Variants in TRIM71 observed in about 807,000 individuals in gnomAD.
The protein encoded by TRIM71 is tripartite motif containing 71.
Under a neutral mutation model 61.2 loss-of-function variants are expected in TRIM71, and 9 were observed. That is an observed-to-expected ratio of 0.15 (90% CI 0.09 to 0.26). TRIM71 has a LOEUF of 0.26. TRIM71 is among the 10% of genes least tolerant of loss of function. The pLI, the probability that TRIM71 is intolerant of heterozygous loss-of-function variation, is 1.00. For missense variants in TRIM71, 998 were observed against 1,238.7 expected (o/e 0.81, Z 2.92); for synonymous variants, 645 against 553.2 (o/e 1.17, Z -2.33).
chr3:32,873,618 G>A (rs1696821419), intron 1 of TRIM71, among the ~76,000 whole-genome samples, 200 bp from the exon 2 acceptor site: 1 of 152,158 alleles, frequency 6.6e-6, no homozygotes, highest in African/African-American at 2.4e-5. Context: ...ATTTGGGGCA[G>A]AGAGAGTGGG....
rs1697031697 is a variant in TRIM71, at chr3:32,891,941, T to C, written c.*130T>C. ...TCAGGGAAATTTCTTTTTTCTTTTT[T>C]TTTTTTAAAGAGAACAAGAAAAGTA... On this transcript the variant is annotated 3_prime_UTR_variant, in exon 4 of 4. Transcript: ENST00000383763. This position sits in a 1 kb window ranked among gnomAD's most constrained non-coding sequence, Gnocchi z 8.2. 1.5e-6 allele frequency: 2 copies of C among 1,358,534 alleles called. No homozygotes were observed. Among genetic ancestry groups the C allele is most frequent in the African/African-American group, 1.5e-5 (1 of 67,694 alleles). 84.2% of individuals were successfully genotyped at this position (1,358,534 alleles called of 1,614,324 possible). A position where few individuals can be genotyped will look rare whatever the true frequency, so the allele number is the denominator to read the frequency against.
intron 1 of TRIM71, among the ~76,000 whole-genome samples, chr3:32,840,832 G>A (rs978358262): frequency 2.0e-5 from 3 of 152,192 alleles, no homozygotes; most frequent in African/African-American, 7.2e-5. Context: ...GCTCAGCTGG[G>A]GGTGCAAGGG....
At chr3:32,823,844 C>T (rs564769935) in intron 1 of TRIM71, among the ~76,000 whole-genome samples, 16 of 152,060 alleles carry the variant, frequency 1.1e-4, no homozygotes, top group South Asian at 4.2e-4. Flanking sequence ...GAGGCCGAGG[C>T]GGGCGGATCA....
chr3:32,845,573 C>G (rs1321764751), intron 1 of TRIM71, among the ~76,000 whole-genome samples: 1 of 152,122 alleles, frequency 6.6e-6, no homozygotes, highest in African/African-American at 2.4e-5. Context: ...ACTCAGTGGT[C>G]ACTAGGTAAA....
At chr3:32,884,372 C>T (rs754065480) in intron 2 of TRIM71, among the ~76,000 whole-genome samples, 18 of 151,962 alleles carry the variant, frequency 1.2e-4, no homozygotes, top group Non-Finnish European at 2.1e-4. Context: ...TAAGGTAGAT[C>T]GTGTATTGTA....
At position 32,894,143 on chromosome 3, in the gene TRIM71, A is replaced by T. The variant is rs1193002909; in HGVS notation, c.*2332A>T. On this transcript the variant is annotated 3_prime_UTR_variant, in exon 4 of 4. Transcript: ENST00000383763. ...TCTATTTTGGAGTAACTTGGTGCTG[A>T]TCTTCCTTCCCTTTCCCCAGCTGCC... The T allele has an allele frequency of 1.3e-5, 2 of 152,202 alleles. No homozygotes were observed. Among genetic ancestry groups the T allele is most frequent in the East Asian group, 3.9e-4 (2 of 5,178 alleles). The allele number at this position is 152,202 out of a possible 1,614,324, so 9.4% of individuals were successfully genotyped here.
Position 32,874,027 on chromosome 3 carries a change from GC to G in TRIM71, c.1020+48del, listed in dbSNP as rs773994303. ...CTTCTGCAGTTCCCACGTGAATCGA[GC>G]CCCCCTTTCTGTCGGGTGGCATGGA... On this transcript the variant is annotated intron_variant, in intron 2 of 3. Coordinates refer to ENST00000383763, the MANE Select transcript of TRIM71 (RefSeq NM_001039111.3). 6.3e-5 allele frequency: 98 copies of G among 1,549,020 alleles called. No individual in the cohort carries two copies. In the African/African-American group the frequency reaches 1.2e-3, roughly 19 times the overall value.
intron 2 of TRIM71, among the ~76,000 whole-genome samples, chr3:32,880,944 A>G (rs1469282660): frequency 6.6e-6 from 1 of 152,168 alleles, no homozygotes; most frequent in Non-Finnish European, 1.5e-5. Flanking sequence ...ACAACTAACA[A>G]AGGAAGAAAC....
In TRIM71 at chr3:32,887,481, C is replaced by CTT. The variant is rs10615630; in HGVS notation, c.1155+1433_1155+1434dup. The stretch of plus-strand genomic sequence containing the variant: ...CCCTCTCTCTTTGACTAATTACTGA[C>CTT]TTTTTTTTTTTTTTTTTTTTTCTGT... On this transcript the variant is annotated intron_variant, in intron 3 of 3. Coordinates refer to ENST00000383763, the MANE Select transcript of TRIM71 (RefSeq NM_001039111.3). 9.5e-4 allele frequency among the ~76,000 whole-genome samples: 105 copies of CTT among 110,004 alleles called. 4 individuals are homozygous for CTT. The East Asian group carries it at 0.011, about 11-fold the overall frequency. 72.2% of individuals were successfully genotyped at this position (110,004 alleles called of 152,430 possible). A position where few individuals can be genotyped will look rare whatever the true frequency, so the allele number is the denominator to read the frequency against.
intron 1 of TRIM71, among the ~76,000 whole-genome samples, chr3:32,831,209 T>C (rs1696266860): frequency 6.6e-6 from 1 of 152,136 alleles, no homozygotes; most frequent in Non-Finnish European, 1.5e-5. Context: ...TGCTCTCAGC[T>C]TCTTGGTATA....
chr3:32,836,527 T>C (rs1696336257), intron 1 of TRIM71, among the ~76,000 whole-genome samples: 1 of 152,238 alleles, frequency 6.6e-6, no homozygotes. Flanking sequence ...TTTAAATTTT[T>C]AGTGTGATAG....
chr3:32,865,839 T>A (rs867167101), intron 1 of TRIM71, among the ~76,000 whole-genome samples: 11 of 126,550 alleles, frequency 8.7e-5, no homozygotes, highest in Admixed American at 1.6e-4. Flanking sequence ...TTTTTTTTTT[T>A]TTTTAAGACA....
chr3:32,875,002 G>A (rs1456089020), intron 2 of TRIM71, among the ~76,000 whole-genome samples: 1 of 152,022 alleles, frequency 6.6e-6, no homozygotes, highest in Non-Finnish European at 1.5e-5. Flanking sequence ...TCTATTTTTA[G>A]TAGAGACGGG....
At chr3:32,858,613 G>A (rs1375394755) in intron 1 of TRIM71, among the ~76,000 whole-genome samples, 1 of 152,154 alleles carries the variant, frequency 6.6e-6, no homozygotes, top group African/African-American at 2.4e-5. Flanking sequence ...ACCTCTTCTT[G>A]GGGAAGAGTT....
rs563177555 is a variant in TRIM71 at position 32,848,479 on chromosome 3, A to G, written c.853-25339A>G. ...TGGGGGCCTGAATCATCAGGGCATG[A>G]AGCCGTTGTGGAAGGTTCCCTCCGA... On this transcript the variant is annotated intron_variant, in intron 1 of 3. Transcript: ENST00000383763. Among the ~76,000 whole-genome samples the G allele has an allele frequency of 2.9e-4, 44 of 152,280 alleles. 1 individual carries two copies. In the South Asian group the frequency reaches 7.5e-3, roughly 26 times the overall value.
chr3:32,861,711 C>CG (rs1559545121), intron 1 of TRIM71, among the ~76,000 whole-genome samples: 4 of 152,092 alleles, frequency 2.6e-5, no homozygotes, highest in African/African-American at 9.7e-5. Flanking sequence ...GCTGGAATGT[C>CG]GGGGGGAAGA....
At chr3:32,826,579 G>GTTTTT (rs1696204240) in intron 1 of TRIM71, among the ~76,000 whole-genome samples, 14 of 48,826 alleles carry the variant, frequency 2.9e-4, no homozygotes, top group African/African-American at 4.5e-4. Context: ...CATCAGGTGA[G>GTTTTT]TTCTTTTTTT....
rs1213419138 is a variant in TRIM71 at position 32,838,602 on chromosome 3, T to C, written c.852+19670T>C. On this transcript the variant is annotated intron_variant, in intron 1 of 3. Coordinates refer to ENST00000383763, the MANE Select transcript of TRIM71 (RefSeq NM_001039111.3). ...AGTCCTAACGCAGAATGCCAGTTTCTGTGTATTCTCCCAGAGGCAGTTGAT... is the reference window on the plus strand; with the variant it reads ...AGTCCTAACGCAGAATGCCAGTTTCCGTGTATTCTCCCAGAGGCAGTTGAT... Among the ~76,000 whole-genome samples, 11 of 151,440 alleles carry C rather than the reference T, an allele frequency of 7.3e-5. No individual in the cohort carries two copies. In the South Asian group the frequency reaches 2.3e-3, roughly 32 times the overall value.
At chr3:32,833,245 T>C (rs368622057) in intron 1 of TRIM71, among the ~76,000 whole-genome samples, 1 of 147,148 alleles carries the variant, frequency 6.8e-6, no homozygotes, top group Non-Finnish European at 1.5e-5. Context: ...AACCTGTTGA[T>C]TGTAATTAAC....
Sources: allele counts gnomAD v4.1 joint callset (sites outside exome capture counted in the v4.1 genomes callset), GRCh38; gene constraint gnomAD v4.1.1; non-coding constraint Gnocchi (gnomAD v3.1); transcripts MANE v1.5; gene names NCBI Gene and HGNC (gene_info 2026-07-23, HGNC 2026-07-21).